Variants in DIABLO observed in about 807,000 individuals in gnomAD.
DIABLO encodes diablo IAP-binding mitochondrial protein.
DIABLO carries 32 observed loss-of-function variants against 31.7 expected under a neutral mutation model. The ratio of observed to expected loss-of-function variants is 1.01; its 90% confidence interval spans 0.76 to 1.35. The LOEUF is 1.35. Ranked by LOEUF, DIABLO falls within the 40% of genes most tolerant of loss-of-function variation. The probability of loss-of-function intolerance (pLI) is 0.00; values close to 1 mark genes in which losing one functional copy is unlikely to be tolerated. For missense variants in DIABLO, 316 were observed against 286.4 expected, an observed-to-expected ratio of 1.10 and a Z score of -0.75; for synonymous variants, 132 against 103.2, an observed-to-expected ratio of 1.28 and a Z score of -1.69.
chr12:122,208,301 G>A lies in DIABLO; in HGVS notation c.*80C>T, dbSNP rs778564058. ...GCCGCCTCTTCTCGGTGCACAGACA[G>A]TCATGCCAACCCTGGGCAGGGTGGC... On this transcript the variant is annotated 3_prime_UTR_variant, in exon 6 of 6. Transcript: ENST00000464942. 2.6e-6 allele frequency: 4 copies of A among 1,539,960 alleles called. No individual in the cohort carries two copies. Among genetic ancestry groups the A allele is most frequent in the Non-Finnish European group, 3.6e-6 (4 of 1,123,524 alleles).
At position 122,207,880 on chromosome 12, in the gene DIABLO, C is replaced by G. The variant is rs1250113478; in HGVS notation, c.*501G>C. On this transcript the variant is annotated 3_prime_UTR_variant, in exon 6 of 6. Transcript: ENST00000464942. ...CACTCCTTGGCCTCAGCTGTCCTCA[C>G]AGGACAGTGGGGGCAGATCAGAGAA... The G allele has an allele frequency of 2.2e-6, 1 of 460,552 alleles. No individual in the cohort carries two copies. The highest frequency in any genetic ancestry group is 1.5e-5 in the South Asian group (1 of 64,538). The allele number at this position is 460,552 out of a possible 1,614,324, so 28.5% of individuals were successfully genotyped here.
intron 5 of DIABLO, among the ~76,000 whole-genome samples, chr12:122,211,324 G>C (rs762953373): frequency 1.3e-5 from 2 of 151,958 alleles, no homozygotes; most frequent in Non-Finnish European, 2.9e-5. Context: ...GCTTGACCCT[G>C]GGAGGCAGAA....
intron 5 of DIABLO, chr12:122,209,749 G>A (rs1194154017): frequency 2.3e-5 from 16 of 702,584 alleles, no homozygotes; most frequent in Non-Finnish European, 3.6e-5. Context: ...TTATCAATTC[G>A]TCTGTAGAAC....
chr12:122,214,256 C>T (rs1055510234), intron 5 of DIABLO, among the ~76,000 whole-genome samples: 2 of 152,134 alleles, frequency 1.3e-5, no homozygotes, highest in Non-Finnish European at 2.9e-5. Flanking sequence ...TCTCACCTCA[C>T]TGCAACCTCT....
At chr12:122,224,807 A>C (rs1431566259) in intron 1 of DIABLO, 163 bp from the exon 2 acceptor site, 1 of 1,535,714 alleles carries the variant, frequency 6.5e-7, no homozygotes, top group African/African-American at 1.4e-5. Context: ...CACCAAGTTT[A>C]AAATGTTGCC....
At chr12:122,224,678 C>A (rs377631136) in intron 1 of DIABLO, 34 bp from the exon 2 acceptor site, 81 of 1,613,984 alleles carry the variant, frequency 5.0e-5, no homozygotes, top group Non-Finnish European at 6.6e-5. Context: ...TAAGGCACGA[C>A]CGCCAATCTG....
At chr12:122,214,766 G>C (rs1954167762) in intron 5 of DIABLO, among the ~76,000 whole-genome samples, 1 of 151,550 alleles carries the variant, frequency 6.6e-6, no homozygotes, top group African/African-American at 2.4e-5. Context: ...CAAGGCTTGA[G>C]GTGCAGTGGA....
At chr12:122,226,884 C>T (rs1954490770), upstream of DIABLO, among the ~76,000 whole-genome samples, 1 of 152,254 alleles carries the variant, frequency 6.6e-6, no homozygotes. Context: ...ATTTTTAATG[C>T]TGTGAGTGCC....
intron 2 of DIABLO, chr12:122,218,846 G>C: frequency 4.8e-6 from 1 of 210,030 alleles, no homozygotes; most frequent in South Asian, 6.9e-5. Context: ...GGGAGGCTGA[G>C]GCAGGAGAAT....
intron 5 of DIABLO, among the ~76,000 whole-genome samples, chr12:122,215,169 G>A (rs1196832592): frequency 1.3e-5 from 2 of 152,134 alleles, no homozygotes; most frequent in Admixed American, 6.6e-5. Context: ...GTGCATGCTT[G>A]TAATCGGGAG....
intron 5 of DIABLO, among the ~76,000 whole-genome samples, chr12:122,210,015 A>G (rs1954044863): frequency 6.6e-6 from 1 of 152,220 alleles, no homozygotes; most frequent in Non-Finnish European, 1.5e-5. Flanking sequence ...ATCTATGGAT[A>G]TATCATCTCA....
intron 2 of DIABLO, among the ~76,000 whole-genome samples, chr12:122,219,220 A>G (rs1468243271): frequency 6.6e-6 from 1 of 152,050 alleles, no homozygotes; most frequent in Non-Finnish European, 1.5e-5. Context: ...TGACAGAGCG[A>G]GACTACATCT....
At chr12:122,225,667 G>A (rs1462643897) in intron 1 of DIABLO, 8 of 1,367,604 alleles carry the variant, frequency 5.8e-6, no homozygotes, top group Non-Finnish European at 7.6e-6. Flanking sequence ...CGTCTCCTCA[G>A]GGACTTCGAG....
chr12:122,209,572 G>A (rs1954030727), intron 5 of DIABLO: 1 of 555,902 alleles, frequency 1.8e-6, no homozygotes, highest in Admixed American at 3.0e-5. Context: ...GCCTGAAGCA[G>A]GAGAATTGCT....
chr12:122,216,903 T>C (rs1954226879), intron 3 of DIABLO, 34 bp from the exon 4 acceptor site: 20 of 1,541,572 alleles, frequency 1.3e-5, no homozygotes, highest in Non-Finnish European at 1.8e-5. Context: ...CTGAGTAAAG[T>C]AAGTGAGACA....
At chr12:122,223,744 G>C (rs1954385227) in intron 2 of DIABLO, among the ~76,000 whole-genome samples, 1 of 152,040 alleles carries the variant, frequency 6.6e-6, no homozygotes, top group Non-Finnish European at 1.5e-5. Context: ...AGAGTAGCTT[G>C]ACCACCTTTA....
rs1954223824 is a variant in DIABLO at position 122,216,833 on chromosome 12, T to C, written c.352A>G (p.Thr118Ala). 3 of 1,614,162 alleles carry C rather than the reference T, an allele frequency of 1.9e-6. No individual in the cohort carries two copies. Among genetic ancestry groups the C allele is most frequent in the Admixed American group, 1.7e-5 (1 of 60,032 alleles). Residue 118 changes from threonine to alanine, a missense_variant, in exon 4 of 6, where the codon ACA becomes GCA. Physicochemically the swap from Thr to Ala is moderately conservative, Grantham distance 58. Transcript: ENST00000464942. ...YTLTSLYRQY[T>A]SLLGKMNSEE... ...GAATTCATTTTCCCAAGTAAACTTG[T>C]ATATTGTCGGTAAAGAGAAGTTAAG... is the stretch of plus-strand genomic sequence containing the variant.
At chr12:122,219,949 A>ATT (rs199676513) in intron 2 of DIABLO, among the ~76,000 whole-genome samples, 2 of 142,622 alleles carry the variant, frequency 1.4e-5, no homozygotes, top group African/African-American at 2.6e-5. Flanking sequence ...CGGTTATTTT[A>ATT]TTTTTTTTTT....
At position 122,216,858 on chromosome 12, in the gene DIABLO, G is replaced by A. The variant is rs934777949; in HGVS notation, c.327C>T (p.Thr109=). The change falls in exon 4 of 6, where the codon ACC becomes ACT. Residue 109 remains threonine, a synonymous_variant. Transcript: ENST00000464942. ...TATATTGTCGGTAAAGAGAAGTTAA[G>A]GTATAAACAGCCTACAAATAGAGAA... is the stretch of plus-strand genomic sequence containing the variant. ...AITEYTKAVY[T]LTSLYRQYTS... 4 of 1,613,052 alleles carry A rather than the reference G, an allele frequency of 2.5e-6. No homozygotes were observed. The highest frequency in any genetic ancestry group is 3.4e-6 in the Non-Finnish European group (4 of 1,179,234).
Sources: allele counts gnomAD v4.1 joint callset (sites outside exome capture counted in the v4.1 genomes callset), GRCh38; gene constraint gnomAD v4.1.1; transcripts MANE v1.5; gene names NCBI Gene and HGNC (gene_info 2026-07-23, HGNC 2026-07-21).